Variants in MORC2 observed in about 807,000 individuals in gnomAD.
MORC2 encodes the protein MORC family CW-type zinc finger 2.
Under a neutral mutation model 136.0 loss-of-function variants are expected in MORC2, and 30 were observed. That is an observed-to-expected ratio of 0.22 (90% CI 0.17 to 0.30). MORC2 has a LOEUF of 0.30. Ranked by LOEUF, MORC2 falls within the 10% of genes least tolerant of loss-of-function variation. The pLI, the probability that MORC2 is intolerant of heterozygous loss-of-function variation, is 1.00. For synonymous variants in MORC2, 439 were observed against 487.0 expected, an observed-to-expected ratio of 0.90 and a Z score of 1.30; for missense variants, 922 against 1,333.1, an observed-to-expected ratio of 0.69 and a Z score of 4.80.
At chr22:30,966,582 C>G (rs1045611863) in intron 1 of MORC2, among the ~76,000 whole-genome samples, 3 of 152,078 alleles carry the variant, frequency 2.0e-5, no homozygotes, top group Non-Finnish European at 4.4e-5. Context: ...CGGGACCAGC[C>G]TGGCCAACAT....
intron 6 of MORC2, among the ~76,000 whole-genome samples, 171 bp downstream of exon 6, chr22:30,946,170 C>T (rs1295322386): frequency 6.6e-6 from 1 of 152,206 alleles, no homozygotes; most frequent in Non-Finnish European, 1.5e-5. Context: ...AAGTTATCTA[C>T]CTTAACCCCT....
chr22:30,957,582 C>T (rs1041167705), intron 2 of MORC2, among the ~76,000 whole-genome samples: 3 of 152,182 alleles, frequency 2.0e-5, no homozygotes, highest in African/African-American at 7.2e-5. Flanking sequence ...AGTAGGAATA[C>T]ATACTCCTAA....
intron 11 of MORC2, 63 bp downstream of exon 11, chr22:30,939,896 C>A (rs1280574123): frequency 1.3e-6 from 2 of 1,538,582 alleles, no homozygotes; most frequent in African/African-American, 1.4e-5. Flanking sequence ...TGACCAGGCT[C>A]ATGGGACATG....
chr22:30,942,420 T>C (rs1212514227), intron 6 of MORC2, 149 bp from the exon 7 acceptor site: 12 of 850,848 alleles, frequency 1.4e-5, no homozygotes, highest in South Asian at 2.0e-5. Flanking sequence ...AGAGGCTCTG[T>C]GAGCTTCAGG....
intron 5 of MORC2, among the ~76,000 whole-genome samples, chr22:30,949,073 C>A (rs998594438): frequency 2.6e-5 from 4 of 152,216 alleles, no homozygotes; most frequent in African/African-American, 7.2e-5. Flanking sequence ...TGCACAAACT[C>A]CAATTCCACT....
chr22:30,952,202 A>T (rs2040898601), intron 3 of MORC2, among the ~76,000 whole-genome samples: 1 of 152,166 alleles, frequency 6.6e-6, no homozygotes, highest in Non-Finnish European at 1.5e-5. Context: ...TCATAAGGAG[A>T]CTCAAACTGG....
chr22:30,928,330 T>G, intron 24 of MORC2, 123 bp from the exon 25 acceptor site: 1 of 916,916 alleles, frequency 1.1e-6, no homozygotes, highest in Non-Finnish European at 1.7e-6. Context: ...AGGAACATCT[T>G]AGATACAAAG....
At chr22:30,950,474 G>A (rs766474969) in intron 3 of MORC2, 29 bp from the exon 4 acceptor site, 3 of 1,608,604 alleles carry the variant, frequency 1.9e-6, no homozygotes, top group Non-Finnish European at 2.6e-6. Flanking sequence ...CCATTACTGG[G>A]CCGTTACCCA....
intron 6 of MORC2, 63 bp from the exon 7 acceptor site, chr22:30,942,334 T>C (rs1185052837): frequency 3.3e-6 from 5 of 1,536,338 alleles, no homozygotes; most frequent in East Asian, 2.3e-5. Context: ...CTCCCAAATG[T>C]GCATCTCTCT....
rs1368948638 is a variant in MORC2, at chr22:30,932,927, A to G, written c.2484T>C (p.Phe828=). The change falls in exon 22 of 26, where the codon TTT becomes TTC. Residue 828 remains phenylalanine, a synonymous_variant. Transcript: ENST00000397641. This position sits in a 1 kb window ranked among gnomAD's most constrained non-coding sequence, Gnocchi z 4.4. Reference sequence around the variant, plus strand: ...GTGTCGTGTCTGTGGGCACGTAGTCAAACTTCACCTTCCACCGCACCACAT... The same window carrying G: ...GTGTCGTGTCTGTGGGCACGTAGTCGAACTTCACCTTCCACCGCACCACAT... ...GKHVVRWKVK[F]DYVPTDTTPR... 4 of 1,614,032 alleles carry G rather than the reference A, an allele frequency of 2.5e-6. No homozygotes were observed. The highest frequency in any genetic ancestry group is 3.4e-6 in the Non-Finnish European group (4 of 1,180,012).
At chr22:30,938,791 G>A (rs933211737) in intron 12 of MORC2, among the ~76,000 whole-genome samples, 3 of 152,132 alleles carry the variant, frequency 2.0e-5, no homozygotes, top group East Asian at 3.9e-4. Context: ...GGATGGTCTC[G>A]ATCTCCTGAC....
chr22:30,927,551 A>C (rs1228443296), intron 25 of MORC2, among the ~76,000 whole-genome samples: 1 of 152,110 alleles, frequency 6.6e-6, no homozygotes, highest in African/African-American at 2.4e-5. Flanking sequence ...ATGAACCACC[A>C]TCAGTAATTC....
rs1020916183 is a variant in MORC2, at chr22:30,925,945, A to G, written c.*858T>C. 2.0e-5 allele frequency: 3 copies of G among 152,874 alleles called. No homozygotes were observed. Among genetic ancestry groups the G allele is most frequent in the African/African-American group, 7.2e-5 (3 of 41,426 alleles). The allele number at this position is 152,874 out of a possible 1,614,324, so 9.5% of individuals were successfully genotyped here. ...AAGCATCAACAGGCTGTCCAGATCAATTGGCACCATCCAAGGCCCTGCTGC... is the reference window on the plus strand; with the variant it reads ...AAGCATCAACAGGCTGTCCAGATCAGTTGGCACCATCCAAGGCCCTGCTGC... On this transcript the variant is annotated 3_prime_UTR_variant, in exon 26 of 26. Transcript: ENST00000397641.
At chr22:30,927,896 C>A (rs1042640961) in intron 25 of MORC2, 123 bp downstream of exon 25, 49 of 1,215,814 alleles carry the variant, frequency 4.0e-5, no homozygotes, top group Non-Finnish European at 5.5e-5. Flanking sequence ...TGCTGTGCAG[C>A]CAGGGTGAGA....
At chr22:30,936,672 T>C (rs1034820576) in intron 16 of MORC2, 29 bp from the exon 17 acceptor site, 2 of 1,606,390 alleles carry the variant, frequency 1.2e-6, no homozygotes, top group African/African-American at 2.7e-5. Context: ...ACAGAGGTCG[T>C]GGCAAACAGA....
At chr22:30,944,707 G>A (rs982513806) in intron 6 of MORC2, among the ~76,000 whole-genome samples, 2 of 152,106 alleles carry the variant, frequency 1.3e-5, no homozygotes, top group East Asian at 3.9e-4. Context: ...TGCCACAGCA[G>A]AACCTATGAG....
chr22:30,967,745 T>C, intron 1 of MORC2, 77 bp downstream of exon 1: 1 of 1,541,886 alleles, frequency 6.5e-7, no homozygotes, highest in Non-Finnish European at 8.8e-7. Flanking sequence ...AAAGCAAAAT[T>C]TTCTGGGGAA....
chr22:30,932,239 C>T lies in MORC2; in HGVS notation c.2841+120G>A. 1 of 888,458 alleles carries T rather than the reference C, an allele frequency of 1.1e-6. No homozygotes were observed. Among genetic ancestry groups the T allele is most frequent in the East Asian group, 2.4e-5 (1 of 41,018 alleles). The allele number at this position is 888,458 out of a possible 1,614,324, so 55.0% of individuals were successfully genotyped here. A position where few individuals can be genotyped will look rare whatever the true frequency, so the allele number is the denominator to read the frequency against. ...GAGAGAGGCTGGCTGAGATGGAGCA[C>T]ACAGCTGAGAGCTAGCAACTGCAAC... On this transcript the variant is annotated intron_variant, in intron 24 of 25. Transcript: ENST00000397641. The surrounding 1 kb of genome is among the most constrained non-coding windows in gnomAD (Gnocchi z 4.4).
At position 30,935,152 on chromosome 22, in the gene MORC2, G is replaced by C. The variant is rs373963382; in HGVS notation, c.1822C>G (p.Arg608Gly). 3.7e-6 allele frequency: 6 copies of C among 1,612,254 alleles called. No homozygotes were observed. The South Asian group carries it at 6.6e-5, about 18-fold the overall frequency. The change falls in exon 19 of 26, where the codon CGT (arginine) becomes GGT (glycine). Residue 608 changes from arginine (R) to glycine (G), a missense_variant. By Grantham distance (125) the Arg-to-Gly change is moderately radical. Around this residue, in one of 9 missense-constraint regions of MORC2, gnomAD observed 184 missense variants for 180.3 expected, o/e 1.02. Coordinates refer to ENST00000397641, the MANE Select transcript of MORC2 (RefSeq NM_001303256.3). ...TTRPSTEEPV[R>G]RPQRPRSPPL... The stretch of plus-strand genomic sequence containing the variant: ...GGCGACCGAGGACGCTGAGGTCTAC[G>C]CACAGGTTCCTAAAAAAAGGCCCAC...
Sources: allele counts gnomAD v4.1 joint callset (sites outside exome capture counted in the v4.1 genomes callset), GRCh38; gene constraint gnomAD v4.1.1; regional missense constraint gnomAD v4.1.1; non-coding constraint Gnocchi (gnomAD v3.1); transcripts MANE v1.5; gene names NCBI Gene and HGNC (gene_info 2026-07-23, HGNC 2026-07-21).